The following CALN1 variants were observed in gnomAD, a reference collection of about 807,000 sequenced individuals.
CALN1 encodes the protein calcium-binding protein 8.
Under a neutral mutation model 30.6 loss-of-function variants are expected in CALN1, and 17 were observed. That is an observed-to-expected ratio of 0.56 (90% CI 0.38 to 0.83). The LOEUF is 0.83. Ranked by LOEUF, CALN1 falls within the 40% of genes least tolerant of loss-of-function variation. The pLI is 0.00. For synonymous variants in CALN1, 156 were observed against 131.4 expected, an observed-to-expected ratio of 1.19 and a Z score of -1.28; for missense variants, 291 against 354.9, an observed-to-expected ratio of 0.82 and a Z score of 1.45.
chr7:72,090,259 G>A (rs74841610), intron 4 of CALN1, among the ~76,000 whole-genome samples: 18,931 of 152,172 alleles, frequency 0.12, 2,303 homozygotes, highest in East Asian at 0.66. Flanking sequence ...CTGAGATCGC[G>A]CCACTGCACT....
At chr7:72,439,239 C>T (rs1456676624) in intron 1 of CALN1, among the ~76,000 whole-genome samples, 1 of 152,066 alleles carries the variant, frequency 6.6e-6, no homozygotes, top group African/African-American at 2.4e-5. Context: ...GCCATGTTGC[C>T]CAGGTTGGTA....
rs533697178 is a variant in CALN1, at chr7:72,390,943, G to A, written c.119+12308C>T. ...CACAGGCCTCACCAGACTGCCAAAG[G>A]GATCCATGCACCAAAAGTACCCTTA... is the stretch of plus-strand genomic sequence containing the variant. On this transcript the variant is annotated intron_variant, in intron 2 of 6. Transcript: ENST00000395275. Among the ~76,000 whole-genome samples, 13 of 152,136 alleles carry A rather than the reference G, an allele frequency of 8.5e-5. No homozygotes were observed. In the East Asian group the frequency reaches 2.3e-3, roughly 27 times the overall value.
At chr7:72,429,144 A>T (rs1195946158) in intron 1 of CALN1, among the ~76,000 whole-genome samples, 1 of 152,238 alleles carries the variant, frequency 6.6e-6, no homozygotes, top group Admixed American at 6.5e-5. Context: ...ATTACTAGAC[A>T]TACCATAAAC....
the CALN1 span, among the ~76,000 whole-genome samples, chr7:72,459,066 C>G: frequency 1.4e-5 from 2 of 146,768 alleles, no homozygotes; most frequent in African/African-American, 5.1e-5. Context: ...CATGTGCCAC[C>G]ACTCCTGGCT....
chr7:71,886,097 C>G (rs1203951116), intron 5 of CALN1, among the ~76,000 whole-genome samples: 5 of 152,190 alleles, frequency 3.3e-5, no homozygotes, highest in Non-Finnish European at 7.3e-5. Context: ...CAAGTCCCAG[C>G]GAAGAATCCA....
intron 5 of CALN1, among the ~76,000 whole-genome samples, chr7:71,897,972 C>CAAAAAAAAA (rs1207497270): frequency 7.5e-4 from 44 of 59,028 alleles, no homozygotes; most frequent in Non-Finnish European, 8.4e-4. Flanking sequence ...AAACAAAAAA[C>CAAAAAAAAA]AAAAAAAAAA....
intron 3 of CALN1, among the ~76,000 whole-genome samples, chr7:72,274,912 G>A (rs191295982): frequency 1.2e-4 from 18 of 152,248 alleles, no homozygotes; most frequent in African/African-American, 4.1e-4. Context: ...TTTGTGTAAA[G>A]AGAAGAAATA....
intron 3 of CALN1, among the ~76,000 whole-genome samples, chr7:72,184,749 G>A (rs1430084953): frequency 6.6e-6 from 1 of 151,882 alleles, no homozygotes; most frequent in Non-Finnish European, 1.5e-5. Context: ...TATTCTGCAG[G>A]TACTTAGGGA....
intron 2 of CALN1, among the ~76,000 whole-genome samples, chr7:72,285,561 A>G (rs1196981783): frequency 6.6e-6 from 1 of 152,186 alleles, no homozygotes; most frequent in East Asian, 1.9e-4. Flanking sequence ...ACTTTTTTAA[A>G]GTATCAGTCT....
intron 3 of CALN1, among the ~76,000 whole-genome samples, chr7:72,205,551 A>ATATATATACATACATAT (rs1554319582): frequency 1.2e-4 from 10 of 83,052 alleles, no homozygotes; most frequent in African/African-American, 6.0e-4. Flanking sequence ...GCAAAAAAAA[A>ATATATATACATACATAT]ATATATATAT....
In CALN1 at chr7:72,106,778, A is replaced by G. The variant is rs866990571; in HGVS notation, c.245-484T>C. 9.1e-3 allele frequency among the ~76,000 whole-genome samples: 317 copies of G among 34,918 alleles called. 5 individuals carry two copies. Among genetic ancestry groups the G allele is most frequent in the East Asian group, 0.032 (30 of 952 alleles). 22.9% of individuals were successfully genotyped at this position (34,918 alleles called of 152,430 possible). On this transcript the variant is annotated intron_variant, in intron 3 of 6. Coordinates refer to ENST00000395275, the MANE Select transcript of CALN1 (RefSeq NM_031468.4). ...GGAGGGAGGAAGGAAGGGAGGGAGG[A>G]AGGAAGGGAGGGAGGAAGGAAGGGA...
At chr7:72,436,280 T>C (rs1808157061) in intron 1 of CALN1, among the ~76,000 whole-genome samples, 1 of 152,164 alleles carries the variant, frequency 6.6e-6, no homozygotes, top group Non-Finnish European at 1.5e-5. Context: ...ATTTCCCCCA[T>C]TCTGTTCTCA....
chr7:72,072,894 C>A (rs939637813), intron 4 of CALN1, among the ~76,000 whole-genome samples: 1 of 151,954 alleles, frequency 6.6e-6, no homozygotes, highest in Non-Finnish European at 1.5e-5. Context: ...AGAAAATAGA[C>A]ATAAAATATA....
chr7:72,405,241 A>G (rs1216145055), intron 1 of CALN1, among the ~76,000 whole-genome samples: 4 of 152,222 alleles, frequency 2.6e-5, no homozygotes, highest in Admixed American at 2.6e-4. Context: ...CAAACAGCAC[A>G]TGTGCAACGC....
At chr7:72,129,731 A>G (rs888688210) in intron 3 of CALN1, among the ~76,000 whole-genome samples, 1 of 152,190 alleles carries the variant, frequency 6.6e-6, no homozygotes, top group Non-Finnish European at 1.5e-5. Flanking sequence ...ATGACACTCA[A>G]ATCTTCATAA....
intron 3 of CALN1, among the ~76,000 whole-genome samples, chr7:72,118,021 T>C (rs976303863): frequency 1.3e-5 from 2 of 150,960 alleles, no homozygotes; most frequent in African/African-American, 2.4e-5. Context: ...GCAGGCAGTG[T>C]TGGGGAAAAA....
intron 5 of CALN1, among the ~76,000 whole-genome samples, chr7:71,912,028 T>A (rs1484383069): frequency 6.6e-6 from 1 of 151,854 alleles, no homozygotes; most frequent in Admixed American, 6.6e-5. Context: ...TTGTGGATAA[T>A]TTTTTCCTCT....
intron 5 of CALN1, among the ~76,000 whole-genome samples, chr7:71,828,687 G>GATATATAC (rs934120939): frequency 2.7e-5 from 4 of 148,008 alleles, no homozygotes; most frequent in African/African-American, 5.1e-5. Context: ...ATATACATAA[G>GATATATAC]ATATATACAT....
rs181178675 is a variant in CALN1, at chr7:72,197,126, T to C, written c.244+81560A>G. 5.3e-5 allele frequency among the ~76,000 whole-genome samples: 8 copies of C among 151,954 alleles called. No individual in the cohort carries two copies. The East Asian group carries it at 1.6e-3, about 29-fold the overall frequency. On this transcript the variant is annotated intron_variant, in intron 3 of 6. Transcript: ENST00000395275. ...TAATTTCTTATTGCTTAATTTGTTT[T>C]CCTATATTTAATTTCCTGTTGTTTG...
Sources: gnomAD v4.1 joint callset for allele counts (sites outside exome capture counted in the v4.1 genomes callset) on GRCh38, gnomAD v4.1.1 for gene constraint, MANE v1.5 for transcripts, NCBI Gene and HGNC (gene_info 2026-07-23, HGNC 2026-07-21) for gene names.